GAS7: variants seen among roughly 807,000 people sequenced by gnomAD.
GAS7 encodes growth arrest-specific protein 7.
A neutral mutation model predicts 71.1 loss-of-function variants in GAS7; 28 were observed. The observed-to-expected ratio is 0.39, with a 90% CI of 0.29 to 0.54. GAS7 has a LOEUF of 0.54. GAS7 is among the 20% of genes least tolerant of loss of function. The pLI, the probability that GAS7 is intolerant of heterozygous loss-of-function variation, is 0.62. For synonymous variants in GAS7, 258 were observed against 245.8 expected (o/e 1.05, Z -0.46); for missense variants, 436 against 627.8 (o/e 0.69, Z 3.27).
chr17:9,926,799 G>T lies in GAS7; in HGVS notation c.886-30C>A. ...TGGGAGAGTAGAGACGCACACTCAG[G>T]ACCCAGGGCATCAGCTGTAAGCCAG... On this transcript the variant is annotated intron_variant, in intron 9 of 13. Coordinates refer to ENST00000432992, the MANE Select transcript of GAS7 (RefSeq NM_201433.2). The surrounding 1 kb of genome is among the most constrained non-coding windows in gnomAD (Gnocchi z 5.0). The T allele has an allele frequency of 6.2e-7, 1 of 1,613,512 alleles. No homozygotes were observed. The highest frequency in any genetic ancestry group is 1.1e-5 in the South Asian group (1 of 91,070).
intron 3 of GAS7, among the ~76,000 whole-genome samples, chr17:9,980,601 A>C (rs1158717617): frequency 6.6e-6 from 1 of 152,204 alleles, no homozygotes; most frequent in African/African-American, 2.4e-5. Context: ...TGAAGTCGAA[A>C]ACCAACAAGT....
At chr17:10,172,198 G>A (rs184344807) in intron 1 of GAS7, among the ~76,000 whole-genome samples, 4,869 of 152,216 alleles carry the variant, frequency 0.032, 229 homozygotes, top group African/African-American at 0.097. Context: ...ATGTGTAAAA[G>A]AAGTCTCTAA....
intron 2 of GAS7, among the ~76,000 whole-genome samples, chr17:10,005,136 TGCGC>T (rs1171378158): frequency 2.1e-5 from 3 of 145,582 alleles, no homozygotes; most frequent in Admixed American, 6.9e-5. Flanking sequence ...CCAGCATGTG[TGCGC>T]GCACGCATGC....
chr17:10,042,340 G>A (rs2072884836), intron 1 of GAS7, among the ~76,000 whole-genome samples: 1 of 151,470 alleles, frequency 6.6e-6, no homozygotes, highest in Admixed American at 6.6e-5. Flanking sequence ...AAACACATCT[G>A]GGTAGGGTGA....
intron 9 of GAS7, among the ~76,000 whole-genome samples, chr17:9,930,074 G>A (rs541971091): frequency 3.3e-5 from 5 of 152,324 alleles, no homozygotes; most frequent in African/African-American, 7.2e-5. Flanking sequence ...GTGTGCGGCC[G>A]AGAGTTGTGA....
intron 1 of GAS7, among the ~76,000 whole-genome samples, chr17:10,087,226 A>T (rs1266136884): frequency 2.0e-5 from 3 of 152,228 alleles, no homozygotes; most frequent in Non-Finnish European, 4.4e-5. Flanking sequence ...ACAAGAGCAC[A>T]TGGGTTCAGC....
intron 1 of GAS7, among the ~76,000 whole-genome samples, chr17:10,148,015 G>C (rs2074134397): frequency 1.3e-5 from 2 of 152,190 alleles, no homozygotes; most frequent in Admixed American, 1.3e-4. Context: ...GTAACTGCTT[G>C]TTGGAGCTCA....
intron 1 of GAS7, among the ~76,000 whole-genome samples, chr17:10,129,797 C>A (rs2142085492): frequency 6.6e-6 from 1 of 152,294 alleles, no homozygotes; most frequent in Non-Finnish European, 1.5e-5. Context: ...ATAAAGAACA[C>A]TTACAGCCCA....
intron 6 of GAS7, 80 bp from the exon 7 acceptor site, chr17:9,943,316 C>G: frequency 1.2e-6 from 1 of 810,820 alleles, no homozygotes; most frequent in Non-Finnish European, 2.2e-6. Flanking sequence ...GGGAGGACGG[C>G]TCCTAGATGT....
intron 5 of GAS7, among the ~76,000 whole-genome samples, chr17:9,950,039 T>C (rs2068944881): frequency 6.6e-6 from 1 of 151,988 alleles, no homozygotes; most frequent in Non-Finnish European, 1.5e-5. Context: ...AGTTTTTGTA[T>C]TTTTAGCAGA....
At position 9,919,549 on chromosome 17, in the gene GAS7, G is replaced by A. The variant is rs147012445; in HGVS notation, c.1218+77C>T. On this transcript the variant is annotated intron_variant, in intron 12 of 13. Transcript: ENST00000432992. This position sits in a 1 kb window ranked among gnomAD's most constrained non-coding sequence, Gnocchi z 5.0. ...AGGGTCACTCCACCCCATCATCCCCGCGCCCACCAACAACCACCAGGGGCT... is the reference window on the plus strand; with the variant it reads ...AGGGTCACTCCACCCCATCATCCCCACGCCCACCAACAACCACCAGGGGCT... 142 of 1,024,574 alleles carry A rather than the reference G, an allele frequency of 1.4e-4. No individual in the cohort carries two copies. Among genetic ancestry groups the A allele is most frequent in the Non-Finnish European group, 1.9e-4 (119 of 641,934 alleles). The allele number at this position is 1,024,574 out of a possible 1,614,324, so 63.5% of individuals were successfully genotyped here. A position where few individuals can be genotyped will look rare whatever the true frequency, so the allele number is the denominator to read the frequency against.
chr17:10,046,702 C>G (rs1163503150), intron 1 of GAS7, among the ~76,000 whole-genome samples: 1 of 143,920 alleles, frequency 6.9e-6, no homozygotes, highest in Non-Finnish European at 1.5e-5. Flanking sequence ...CGCCACTGCA[C>G]TCCAGCCTGG....
chr17:10,156,326 A>G (rs767343439), intron 1 of GAS7, among the ~76,000 whole-genome samples: 2 of 152,172 alleles, frequency 1.3e-5, no homozygotes, highest in Non-Finnish European at 2.9e-5. Context: ...TCTTGACTCA[A>G]GCCAGGCAGG....
chr17:10,003,952 T>G (rs1461282649), intron 2 of GAS7, among the ~76,000 whole-genome samples: 1 of 152,172 alleles, frequency 6.6e-6, no homozygotes, highest in Non-Finnish European at 1.5e-5. Flanking sequence ...AAGGTCTTCC[T>G]CCAACAATAA....
At chr17:10,005,165 G>A (rs1044419548) in intron 2 of GAS7, among the ~76,000 whole-genome samples, 125 of 93,752 alleles carry the variant, frequency 1.3e-3, no homozygotes, top group African/African-American at 7.8e-3. Flanking sequence ...ATGTGTGTGC[G>A]CACGCATGCA....
chr17:10,087,355 T>A (rs2073530453), intron 1 of GAS7, among the ~76,000 whole-genome samples: 1 of 152,230 alleles, frequency 6.6e-6, no homozygotes, highest in Admixed American at 6.5e-5. Context: ...TCAGTAGCTC[T>A]TATCATCAAA....
chr17:10,057,083 C>A lies in GAS7; in HGVS notation c.184-37186G>T, dbSNP rs191955445. Among the ~76,000 whole-genome samples, 906 of 152,306 alleles carry A rather than the reference C, an allele frequency of 5.9e-3. 13 individuals carry two copies. The highest frequency in any genetic ancestry group is 0.02 in the African/African-American group (849 of 41,574). ...GGTGCCGTGATTGCAGACGGAGTCT[C>A]GTTCACTCAGTGCTCAATGTTGCCC... is the stretch of plus-strand genomic sequence containing the variant. On this transcript the variant is annotated intron_variant, in intron 1 of 13. Coordinates refer to ENST00000432992, the MANE Select transcript of GAS7 (RefSeq NM_201433.2).
chr17:10,028,633 T>A (rs1044677370), intron 1 of GAS7, among the ~76,000 whole-genome samples: 6 of 147,178 alleles, frequency 4.1e-5, no homozygotes, highest in African/African-American at 1.5e-4. Flanking sequence ...GACATTATGA[T>A]ACAAGAACAA....
intron 1 of GAS7, among the ~76,000 whole-genome samples, chr17:10,158,788 G>A (rs1378950707): frequency 6.6e-6 from 1 of 151,406 alleles, no homozygotes; most frequent in African/African-American, 2.4e-5. Context: ...AGCACAGTGG[G>A]GCACACCTGT....
Sources: gnomAD v4.1 joint callset for allele counts (sites outside exome capture counted in the v4.1 genomes callset) on GRCh38, gnomAD v4.1.1 for gene constraint, Gnocchi (gnomAD v3.1) non-coding constraint, MANE v1.5 for transcripts, NCBI Gene and HGNC (gene_info 2026-07-23, HGNC 2026-07-21) for gene names.